SKAP2: variants seen among roughly 807,000 people sequenced by gnomAD.
The protein encoded by SKAP2 is src kinase associated phosphoprotein 2, also known as src kinase-associated phosphoprotein 2.
In SKAP2, 28 loss-of-function variants were observed where a neutral mutation model predicts 54.9. The ratio of observed to expected loss-of-function variants is 0.51; its 90% confidence interval spans 0.38 to 0.70. The LOEUF is 0.70. Ranked by LOEUF, SKAP2 falls within the 30% of genes least tolerant of loss-of-function variation. SKAP2 has a pLI of 0.00. For missense variants in SKAP2, 356 were observed against 424.1 expected, an observed-to-expected ratio of 0.84 and a Z score of 1.41; for synonymous variants, 137 against 134.3, an observed-to-expected ratio of 1.02 and a Z score of -0.14.
intron 4 of SKAP2, among the ~76,000 whole-genome samples, chr7:26,832,046 C>T (rs970778293): frequency 3.9e-5 from 6 of 152,156 alleles, no homozygotes; most frequent in Non-Finnish European, 8.8e-5. Context: ...TTTCTATCCA[C>T]CCTTACTAAA....
chr7:26,794,694 G>A (rs1783736401), intron 4 of SKAP2, among the ~76,000 whole-genome samples: 2 of 152,094 alleles, frequency 1.3e-5, no homozygotes, highest in East Asian at 1.9e-4. Context: ...TTGTAAAAAG[G>A]TGGATATCTT....
At chr7:26,746,953 T>A (rs961537387) in intron 4 of SKAP2, among the ~76,000 whole-genome samples, 1 of 152,206 alleles carries the variant, frequency 6.6e-6, no homozygotes, top group Non-Finnish European at 1.5e-5. Flanking sequence ...CTGGAATATG[T>A]ATGAGAGAAA....
chr7:26,698,812 G>A (rs546039774), intron 9 of SKAP2, among the ~76,000 whole-genome samples: 1 of 152,184 alleles, frequency 6.6e-6, no homozygotes, highest in East Asian at 1.9e-4. Context: ...AACAACTGAC[G>A]GTATTTATTG....
chr7:26,770,459 T>C (rs1361780691), intron 4 of SKAP2, among the ~76,000 whole-genome samples: 1 of 152,040 alleles, frequency 6.6e-6, no homozygotes, highest in African/African-American at 2.4e-5. Flanking sequence ...TCCAGGGGAA[T>C]GAACAGTTCT....
At chr7:26,671,046 A>G (rs1366537212) in intron 11 of SKAP2, among the ~76,000 whole-genome samples, 2 of 151,962 alleles carry the variant, frequency 1.3e-5, no homozygotes, top group Non-Finnish European at 2.9e-5. Context: ...CTTTTCTCCC[A>G]CTTTTTCCTC....
chr7:26,756,720 G>GT (rs1235616496), intron 4 of SKAP2, among the ~76,000 whole-genome samples: 2 of 152,154 alleles, frequency 1.3e-5, no homozygotes, highest in Non-Finnish European at 2.9e-5. Context: ...GAGTCAAATG[G>GT]TATTTCTAGT....
At chr7:26,723,201 C>CA (rs1399153348) in intron 9 of SKAP2, among the ~76,000 whole-genome samples, 1 of 152,168 alleles carries the variant, frequency 6.6e-6, no homozygotes, top group Non-Finnish European at 1.5e-5. Flanking sequence ...GACATTTAAT[C>CA]AAACAAAACC....
At chr7:26,797,810 T>C (rs1033855082) in intron 4 of SKAP2, among the ~76,000 whole-genome samples, 2 of 152,014 alleles carry the variant, frequency 1.3e-5, no homozygotes, top group South Asian at 2.1e-4. Flanking sequence ...AATTCTATTA[T>C]ATAAATTTAA....
At chr7:26,764,993 C>A (rs967130386) in intron 4 of SKAP2, among the ~76,000 whole-genome samples, 1 of 152,104 alleles carries the variant, frequency 6.6e-6, no homozygotes, top group Non-Finnish European at 1.5e-5. Flanking sequence ...GAGTATACAC[C>A]CAGTAATGGG....
At chr7:26,838,125 C>T (rs115418759) in intron 4 of SKAP2, among the ~76,000 whole-genome samples, 1,669 of 152,274 alleles carry the variant, frequency 0.011, 31 homozygotes, top group African/African-American at 0.038. Flanking sequence ...ATGGTCTCTA[C>T]GCCTTCATTT....
At chr7:26,855,579 G>A (rs567521110) in intron 1 of SKAP2, among the ~76,000 whole-genome samples, 9 of 152,082 alleles carry the variant, frequency 5.9e-5, no homozygotes, top group African/African-American at 2.2e-4. Flanking sequence ...ACAAACATAA[G>A]TTCTTCCACT....
chr7:26,714,468 T>G (rs546318903), intron 9 of SKAP2, among the ~76,000 whole-genome samples: 2 of 152,328 alleles, frequency 1.3e-5, no homozygotes, highest in African/African-American at 4.8e-5. Flanking sequence ...AAGGTAAAAT[T>G]TCACTTAAGC....
intron 4 of SKAP2, among the ~76,000 whole-genome samples, chr7:26,752,583 G>T (rs1782710286): frequency 6.6e-6 from 1 of 152,104 alleles, no homozygotes; most frequent in Non-Finnish European, 1.5e-5. Context: ...TGTTTGCCTT[G>T]ATCAGACTTC....
the SKAP2 span, among the ~76,000 whole-genome samples, chr7:26,656,390 C>A: frequency 6.6e-6 from 1 of 152,290 alleles, no homozygotes; most frequent in East Asian, 1.9e-4. Flanking sequence ...CACTTCCACT[C>A]TTTAAAGATT....
intron 4 of SKAP2, among the ~76,000 whole-genome samples, chr7:26,764,344 G>C (rs908093978): frequency 6.6e-5 from 10 of 152,096 alleles, no homozygotes; most frequent in Non-Finnish European, 1.2e-4. Flanking sequence ...AGAAAACATA[G>C]ATCAGGAATC....
chr7:26,851,347 G>A (rs939785850), intron 3 of SKAP2, among the ~76,000 whole-genome samples: 1 of 152,014 alleles, frequency 6.6e-6, no homozygotes. Flanking sequence ...CAGAGGCTGA[G>A]GTGGAAGGAT....
At chr7:26,682,954 C>T (rs979316425) in intron 11 of SKAP2, among the ~76,000 whole-genome samples, 3 of 152,138 alleles carry the variant, frequency 2.0e-5, no homozygotes, top group Admixed American at 1.3e-4. Flanking sequence ...GTTCTGGAAG[C>T]CGGTGCTCTA....
chr7:26,678,565 C>T (rs1250093223), intron 11 of SKAP2, among the ~76,000 whole-genome samples: 1 of 151,830 alleles, frequency 6.6e-6, no homozygotes, highest in African/African-American at 2.4e-5. Flanking sequence ...CTCAGCTTCC[C>T]AAGTAGCTGG....
intron 11 of SKAP2, among the ~76,000 whole-genome samples, chr7:26,683,824 CTA>C (rs1156906187): frequency 6.6e-6 from 1 of 152,094 alleles, no homozygotes; most frequent in Admixed American, 6.5e-5. Context: ...ACAAGTCATA[CTA>C]TCTCTCTGAA....
Sources: allele counts gnomAD v4.1 joint callset (sites outside exome capture counted in the v4.1 genomes callset), GRCh38; gene constraint gnomAD v4.1.1; transcripts MANE v1.5; gene names NCBI Gene and HGNC (gene_info 2026-07-23, HGNC 2026-07-21).